Variants in SGCZ observed in about 807,000 individuals in gnomAD.
SGCZ encodes the protein zeta-sarcoglycan.
SGCZ carries 40 observed loss-of-function variants against 41.3 expected under a neutral mutation model. The observed-to-expected ratio is 0.97, with a 90% confidence interval of 0.75 to 1.26. The LOEUF (loss-of-function observed/expected upper bound fraction) is 1.26, where lower values mean the gene tolerates loss of function less well. Ranked by LOEUF, SGCZ falls within the 50% of genes most tolerant of loss-of-function variation. SGCZ has a pLI of 0.00. For missense variants in SGCZ, 552 were observed against 369.8 expected (o/e 1.49, Z -4.04); for synonymous variants, 206 against 137.5 (o/e 1.50, Z -3.49).
At chr8:14,783,723 T>A (rs1800662036) in intron 1 of SGCZ, among the ~76,000 whole-genome samples, 1 of 152,164 alleles carries the variant, frequency 6.6e-6, no homozygotes, top group African/African-American at 2.4e-5. Context: ...TGTTGTTTGT[T>A]TTTCTATCTG....
intron 1 of SGCZ, among the ~76,000 whole-genome samples, chr8:15,000,644 C>T (rs9693204): frequency 0.048 from 7,293 of 152,150 alleles, 542 homozygotes; most frequent in African/African-American, 0.16. Flanking sequence ...GAGGAGATGG[C>T]ACCGCTCAAC....
intron 2 of SGCZ, among the ~76,000 whole-genome samples, chr8:14,428,458 C>G (rs1799850856): frequency 6.6e-6 from 1 of 151,818 alleles, no homozygotes; most frequent in Non-Finnish European, 1.5e-5. Flanking sequence ...TATTTTGTAC[C>G]TAACTGTGGT....
chr8:14,228,494 T>C (rs543738582), intron 4 of SGCZ, among the ~76,000 whole-genome samples: 2 of 152,256 alleles, frequency 1.3e-5, no homozygotes, highest in South Asian at 4.1e-4. Flanking sequence ...GATATACTCA[T>C]ATTTTGAATA....
At chr8:14,590,288 A>C (rs1805200015) in intron 1 of SGCZ, among the ~76,000 whole-genome samples, 1 of 152,068 alleles carries the variant, frequency 6.6e-6, no homozygotes, top group African/African-American at 2.4e-5. Context: ...TTAGCACATA[A>C]ACAGGAGTTA....
At chr8:14,163,167 C>T (rs905457922) in intron 5 of SGCZ, among the ~76,000 whole-genome samples, 5 of 152,168 alleles carry the variant, frequency 3.3e-5, no homozygotes, top group Admixed American at 6.5e-5. Context: ...CCAGCCAATA[C>T]ACTTTTTTTA....
At chr8:14,544,781 G>A (rs541166010) in intron 2 of SGCZ, among the ~76,000 whole-genome samples, 6 of 152,112 alleles carry the variant, frequency 3.9e-5, no homozygotes, top group Non-Finnish European at 1.5e-5. Flanking sequence ...ACTGAACATA[G>A]ACCCTTATCT....
chr8:14,456,163 C>G lies in SGCZ; in HGVS notation c.234+98569G>C, dbSNP rs568471503. ...GTGGCTCACACCTGTAATCCCAGGA[C>G]TTTGGGAAGCTGAGGCAGGCAAATC... On this transcript the variant is annotated intron_variant, in intron 2 of 7. Transcript: ENST00000382080. Among the ~76,000 whole-genome samples the G allele has an allele frequency of 1.2e-4, 19 of 152,246 alleles. 1 individual carries two copies. The South Asian group carries it at 3.9e-3, about 32-fold the overall frequency.
intron 1 of SGCZ, among the ~76,000 whole-genome samples, chr8:15,134,107 A>G (rs531220209): frequency 1.3e-5 from 2 of 152,294 alleles, no homozygotes; most frequent in East Asian, 3.9e-4. Flanking sequence ...TTTTGCCTTT[A>G]TAAGGCTATT....
chr8:14,771,742 C>T (rs1440602388), intron 1 of SGCZ, among the ~76,000 whole-genome samples: 1 of 152,064 alleles, frequency 6.6e-6, no homozygotes, highest in Non-Finnish European at 1.5e-5. Flanking sequence ...AATTATGTTT[C>T]ACATTCCATT....
At chr8:14,852,150 G>C (rs1319738549) in intron 1 of SGCZ, among the ~76,000 whole-genome samples, 1 of 152,020 alleles carries the variant, frequency 6.6e-6, no homozygotes, top group East Asian at 1.9e-4. Context: ...GACTTCTCCT[G>C]CCAAGTCAGC....
At chr8:15,012,606 A>AACATAAATATATATTTATATAACAT (rs372754667) in intron 1 of SGCZ, among the ~76,000 whole-genome samples, 4 of 109,564 alleles carry the variant, frequency 3.7e-5, no homozygotes, top group African/African-American at 1.5e-4. Context: ...ATATTTATAT[A>AACATAAATATATATTTATATAACAT]ATACATATAT....
intron 2 of SGCZ, among the ~76,000 whole-genome samples, chr8:14,527,886 A>C (rs140388450): frequency 6.6e-6 from 1 of 152,092 alleles, no homozygotes; most frequent in African/African-American, 2.4e-5. Flanking sequence ...TCTATAAATT[A>C]GTAAAATAGT....
Position 14,106,262 on chromosome 8 carries a change from A to AAGAT in SGCZ, c.620+1897_620+1900dup, listed in dbSNP as rs1369187137. Reference sequence around the variant, plus strand: ...GAATTTACAGTTTGTTAGGAGAAGAAAGATACAATAAATATTTTCACAAAA... The same window carrying AAGAT: ...GAATTTACAGTTTGTTAGGAGAAGAAAGATAGATACAATAAATATTTTCACAAAA... On this transcript the variant is annotated intron_variant, in intron 6 of 7. Coordinates refer to ENST00000382080, the MANE Select transcript of SGCZ (RefSeq NM_139167.4). 4.6e-5 allele frequency among the ~76,000 whole-genome samples: 7 copies of AAGAT among 152,232 alleles called. No homozygotes were observed. The East Asian group carries it at 9.6e-4, about 21-fold the overall frequency.
chr8:14,245,070 T>C (rs1023284854), intron 3 of SGCZ, among the ~76,000 whole-genome samples: 3 of 152,190 alleles, frequency 2.0e-5, no homozygotes, highest in Non-Finnish European at 2.9e-5. Flanking sequence ...CTTTTCCTAA[T>C]TGAATACCCT....
chr8:15,212,860 A>T (rs1801278413), intron 1 of SGCZ, among the ~76,000 whole-genome samples: 1 of 152,104 alleles, frequency 6.6e-6, no homozygotes, highest in Non-Finnish European at 1.5e-5. Context: ...TCATTACTTT[A>T]AAAAGGAGAC....
chr8:14,505,424 A>C lies in SGCZ; in HGVS notation c.234+49308T>G, dbSNP rs1370268903. 3.3e-5 allele frequency among the ~76,000 whole-genome samples: 5 copies of C among 152,276 alleles called. No individual in the cohort carries two copies. The East Asian group carries it at 9.7e-4, about 29-fold the overall frequency. On this transcript the variant is annotated intron_variant, in intron 2 of 7. Transcript: ENST00000382080. ...AAGTTATTCTAGCAAATCCAAGCGC[A>C]GACAATCCATTGTTTCTTTTCTATG...
rs970584757 is a variant in SGCZ, at chr8:14,491,482, C to G, written c.234+63250G>C. Among the ~76,000 whole-genome samples the G allele has an allele frequency of 2.6e-5, 4 of 152,072 alleles. No homozygotes were observed. The East Asian group carries it at 5.8e-4, about 22-fold the overall frequency. ...GTTGGACACTATTTGAGTAATGTAC[C>G]AAACATAACTCTCAAGACTGTGAAG... is the stretch of plus-strand genomic sequence containing the variant. On this transcript the variant is annotated intron_variant, in intron 2 of 7. Coordinates refer to ENST00000382080, the MANE Select transcript of SGCZ (RefSeq NM_139167.4).
At chr8:15,227,384 T>G (rs1208311055) in intron 1 of SGCZ, among the ~76,000 whole-genome samples, 3 of 152,188 alleles carry the variant, frequency 2.0e-5, no homozygotes, top group Admixed American at 6.5e-5. Flanking sequence ...AAAGTTAAAT[T>G]CTTGCTAATA....
chr8:14,702,827 A>AGATAGACAGAT lies in SGCZ; in HGVS notation c.40-147902_40-147901insATCTGTCTATC, dbSNP rs1554483798. ...TAGGTAGTTAGGTAGATAGATAGAT[A>AGATAGACAGAT]GATAGATAGATAGATAGATAGATAG... On this transcript the variant is annotated intron_variant, in intron 1 of 7. Transcript: ENST00000382080. Among the ~76,000 whole-genome samples the AGATAGACAGAT allele has an allele frequency of 3.9e-3, 202 of 51,172 alleles. 3 individuals are homozygous for AGATAGACAGAT. Among genetic ancestry groups the AGATAGACAGAT allele is most frequent in the Middle Eastern group, 9.4e-3 (1 of 106 alleles). 33.6% of individuals were successfully genotyped at this position (51,172 alleles called of 152,430 possible).
Sources: allele counts gnomAD v4.1 joint callset (sites outside exome capture counted in the v4.1 genomes callset), GRCh38; gene constraint gnomAD v4.1.1; transcripts MANE v1.5; gene names NCBI Gene and HGNC (gene_info 2026-07-23, HGNC 2026-07-21).